The following SOX6 variants were observed in gnomAD, a reference collection of about 807,000 sequenced individuals.
SOX6 encodes the protein SRY-box transcription factor 6, also known as transcription factor SOX-6.
In SOX6, 11 loss-of-function variants were observed where a neutral mutation model predicts 97.8. That is an observed-to-expected ratio of 0.11 (90% CI 0.07 to 0.19). The LOEUF is 0.19. Among genes scored for constraint, SOX6 ranks in the 10% least tolerant of loss-of-function variants. SOX6 has a pLI of 1.00. For missense variants in SOX6, 810 were observed against 1,039.5 expected, an observed-to-expected ratio of 0.78 and a Z score of 3.04; for synonymous variants, 360 against 371.4, an observed-to-expected ratio of 0.97 and a Z score of 0.35.
intron 4 of SOX6, among the ~76,000 whole-genome samples, chr11:16,483,024 A>G (rs1408563207): frequency 1.3e-5 from 2 of 152,262 alleles, no homozygotes; most frequent in Non-Finnish European, 2.9e-5. Context: ...ATGTCAATAC[A>G]GTGAAAAAAG....
intron 4 of SOX6, among the ~76,000 whole-genome samples, chr11:16,574,976 G>T (rs1847969183): frequency 1.3e-5 from 2 of 150,360 alleles, no homozygotes; most frequent in Admixed American, 1.3e-4. Context: ...GGAGGCAGAG[G>T]TTGCAGTGAG....
chr11:16,467,586 G>A (rs1161516792), intron 1 of SOX6, among the ~76,000 whole-genome samples: 1 of 152,178 alleles, frequency 6.6e-6, no homozygotes, highest in Non-Finnish European at 1.5e-5. Context: ...GCTAAGTGAT[G>A]AGAACACATG....
At chr11:16,220,609 T>C (rs1228889008) in intron 4 of SOX6, among the ~76,000 whole-genome samples, 1 of 140,448 alleles carries the variant, frequency 7.1e-6, no homozygotes, top group Non-Finnish European at 1.6e-5. Flanking sequence ...ATACAAGAGG[T>C]AATGACAGTT....
chr11:16,493,128 G>T (rs190349778), intron 4 of SOX6, among the ~76,000 whole-genome samples: 70 of 152,270 alleles, frequency 4.6e-4, no homozygotes, highest in Middle Eastern at 6.8e-3. Context: ...CAACAAAGGT[G>T]CAGGCACTTG....
chr11:16,444,132 T>TA (rs542814230), intron 1 of SOX6, among the ~76,000 whole-genome samples: 3,837 of 148,510 alleles, frequency 0.026, 138 homozygotes, highest in African/African-American at 0.08. Flanking sequence ...AAAACTGTTA[T>TA]AAAAAAAAAA....
intron 6 of SOX6, among the ~76,000 whole-genome samples, chr11:16,162,931 G>A (rs1205451109): frequency 6.6e-6 from 1 of 151,978 alleles, no homozygotes; most frequent in Non-Finnish European, 1.5e-5. Flanking sequence ...AAGAAAAAAG[G>A]AAGAAAAGTG....
At chr11:16,562,830 G>C (rs1311657748) in intron 4 of SOX6, among the ~76,000 whole-genome samples, 1 of 151,936 alleles carries the variant, frequency 6.6e-6, no homozygotes, top group Admixed American at 6.6e-5. Context: ...AGACCACATG[G>C]GGAGCTAGAA....
At chr11:16,138,092 G>T (rs752550148) in intron 6 of SOX6, among the ~76,000 whole-genome samples, 1 of 152,216 alleles carries the variant, frequency 6.6e-6, no homozygotes, top group Admixed American at 6.5e-5. Flanking sequence ...ATTTACTATA[G>T]ATACCTACCA....
chr11:16,524,955 C>T (rs961604587), intron 4 of SOX6, among the ~76,000 whole-genome samples: 6 of 152,156 alleles, frequency 3.9e-5, no homozygotes, highest in African/African-American at 1.4e-4. Flanking sequence ...AGGAGAACTA[C>T]AAACCACTGC....
At chr11:16,400,388 C>A (rs1239449215) in intron 1 of SOX6, among the ~76,000 whole-genome samples, 2 of 151,336 alleles carry the variant, frequency 1.3e-5, no homozygotes, top group African/African-American at 4.8e-5. Flanking sequence ...TTGGTGAGAT[C>A]CTTATACTAC....
chr11:16,168,796 G>GT (rs539500165), intron 6 of SOX6, among the ~76,000 whole-genome samples: 3 of 151,974 alleles, frequency 2.0e-5, no homozygotes, highest in Non-Finnish European at 2.9e-5. Context: ...GGAAATTATG[G>GT]TTTTTTTGCT....
At chr11:16,289,303 A>T (rs1461387769) in intron 3 of SOX6, among the ~76,000 whole-genome samples, 1 of 151,936 alleles carries the variant, frequency 6.6e-6, no homozygotes, top group African/African-American at 2.4e-5. Flanking sequence ...AAGGTGCAGG[A>T]TATGTGACTA....
At chr11:16,281,705 T>C (rs1272109969) in intron 3 of SOX6, among the ~76,000 whole-genome samples, 2 of 151,844 alleles carry the variant, frequency 1.3e-5, no homozygotes, top group Non-Finnish European at 2.9e-5. Context: ...TTCTATATTA[T>C]TTAAGCTTCA....
intron 3 of SOX6, among the ~76,000 whole-genome samples, chr11:16,676,585 G>A (rs1847886306): frequency 6.6e-6 from 1 of 152,032 alleles, no homozygotes; most frequent in South Asian, 2.1e-4. Context: ...GTTTTGTTTA[G>A]TTAGTGACTT....
At chr11:16,244,038 A>G (rs985548525) in intron 3 of SOX6, among the ~76,000 whole-genome samples, 4 of 151,934 alleles carry the variant, frequency 2.6e-5, no homozygotes, top group Admixed American at 2.0e-4. Context: ...TTAAAAATTG[A>G]ATTTCCTGTA....
At chr11:16,007,015 G>A (rs1030386259) in intron 13 of SOX6, among the ~76,000 whole-genome samples, 5 of 151,830 alleles carry the variant, frequency 3.3e-5, no homozygotes, top group African/African-American at 1.2e-4. Flanking sequence ...AGCAGATAGT[G>A]AGTGCAGGCA....
intron 2 of SOX6, among the ~76,000 whole-genome samples, chr11:16,720,200 C>T (rs1373147957): frequency 3.4e-5 from 5 of 146,106 alleles, no homozygotes; most frequent in Admixed American, 6.9e-5. Flanking sequence ...TGGGTATATA[C>T]CCAAAGGACT....
At chr11:16,097,383 G>A (rs1356366836) in intron 8 of SOX6, among the ~76,000 whole-genome samples, 1 of 151,882 alleles carries the variant, frequency 6.6e-6, no homozygotes, top group East Asian at 1.9e-4. Context: ...TCATCTGATA[G>A]AGAATACATA....
At chr11:16,518,657 A>C (rs1565169751) in intron 4 of SOX6, among the ~76,000 whole-genome samples, 1 of 152,200 alleles carries the variant, frequency 6.6e-6, no homozygotes, top group Admixed American at 6.5e-5. Context: ...GAAAAATCAT[A>C]GCTAAGAAAT....
Sources: allele counts gnomAD v4.1 joint callset (sites outside exome capture counted in the v4.1 genomes callset), GRCh38; gene constraint gnomAD v4.1.1; transcripts MANE v1.5; gene names NCBI Gene and HGNC (gene_info 2026-07-23, HGNC 2026-07-21).